PDE4D: variants seen among roughly 807,000 people sequenced by gnomAD.
PDE4D encodes 3',5'-cyclic-AMP phosphodiesterase 4D.
In PDE4D, 24 loss-of-function variants were observed where a neutral mutation model predicts 87.4. That is an observed-to-expected ratio of 0.27 (90% CI 0.20 to 0.39). The LOEUF (loss-of-function observed/expected upper bound fraction) is 0.39, where lower values mean the gene tolerates loss of function less well. Among genes scored for constraint, PDE4D ranks in the 10% least tolerant of loss-of-function variants. The pLI, the probability that PDE4D is intolerant of heterozygous loss-of-function variation, is 1.00. For missense variants in PDE4D, 714 were observed against 1,041.0 expected, an observed-to-expected ratio of 0.69 and a Z score of 4.32; for synonymous variants, 384 against 383.2, an observed-to-expected ratio of 1.00 and a Z score of -0.02.
intron 5 of PDE4D, among the ~76,000 whole-genome samples, chr5:59,100,022 A>G (rs1218249547): frequency 6.6e-6 from 1 of 152,216 alleles, no homozygotes; most frequent in Non-Finnish European, 1.5e-5. Flanking sequence ...CACCCCTCAT[A>G]TGAAAAAGAT....
At chr5:60,212,140 T>C (rs554485149) in intron 1 of PDE4D, among the ~76,000 whole-genome samples, 2 of 152,168 alleles carry the variant, frequency 1.3e-5, no homozygotes, top group Non-Finnish European at 2.9e-5. Context: ...ACTAAATTCA[T>C]AGTAGCTCTT....
At chr5:59,192,311 T>C (rs1744513584) in intron 3 of PDE4D, among the ~76,000 whole-genome samples, 1 of 152,226 alleles carries the variant, frequency 6.6e-6, no homozygotes, top group Non-Finnish European at 1.5e-5. Flanking sequence ...TAATATTATA[T>C]TTTCAAGCAA....
chr5:59,356,837 C>G, intron 1 of PDE4D: 1 of 1,550,774 alleles, frequency 6.4e-7, no homozygotes, highest in Admixed American at 2.2e-5. Context: ...GGATCCCAAA[C>G]AAAAGCCATT....
chr5:59,391,255 G>A (rs1582330207), intron 1 of PDE4D, among the ~76,000 whole-genome samples: 1 of 152,110 alleles, frequency 6.6e-6, no homozygotes, highest in Non-Finnish European at 1.5e-5. Flanking sequence ...CAGAAGAAGA[G>A]TTTCTCCTAG....
chr5:59,749,688 G>A (rs1760143927), intron 1 of PDE4D, among the ~76,000 whole-genome samples: 1 of 152,060 alleles, frequency 6.6e-6, no homozygotes, highest in African/African-American at 2.4e-5. Context: ...ACTGTCTCAG[G>A]TCTTTTCTCT....
At chr5:59,205,858 G>A (rs534474102) in intron 2 of PDE4D, among the ~76,000 whole-genome samples, 17 of 152,156 alleles carry the variant, frequency 1.1e-4, no homozygotes, top group African/African-American at 4.1e-4. Flanking sequence ...AAAAATTTTG[G>A]ACTTGGGATC....
intron 1 of PDE4D, among the ~76,000 whole-genome samples, chr5:59,729,942 C>T (rs1052325058): frequency 6.6e-6 from 1 of 151,906 alleles, no homozygotes; most frequent in African/African-American, 2.4e-5. Flanking sequence ...TACAAAATAG[C>T]CCCAGAATAG....
At chr5:59,687,555 G>A (rs931638752) in intron 1 of PDE4D, among the ~76,000 whole-genome samples, 15 of 151,984 alleles carry the variant, frequency 9.9e-5, no homozygotes, top group Non-Finnish European at 1.9e-4. Context: ...GCCTAGAAGA[G>A]CTCCTGAAGG....
chr5:59,756,014 T>A (rs1027383132), intron 1 of PDE4D, among the ~76,000 whole-genome samples: 121 of 151,440 alleles, frequency 8.0e-4, no homozygotes, highest in African/African-American at 2.9e-3. Flanking sequence ...ATATAATATT[T>A]AACTGTATAA....
intron 1 of PDE4D, among the ~76,000 whole-genome samples, chr5:59,665,616 A>G (rs1745951339): frequency 3.3e-5 from 5 of 152,218 alleles, no homozygotes; most frequent in Admixed American, 3.3e-4. Context: ...GAGTACAAAT[A>G]AGCTGAAATG....
At chr5:59,623,796 C>G (rs1229522143) in intron 1 of PDE4D, among the ~76,000 whole-genome samples, 1 of 152,160 alleles carries the variant, frequency 6.6e-6, no homozygotes, top group African/African-American at 2.4e-5. Flanking sequence ...CTCTGCAATG[C>G]TATTTTTAAC....
At chr5:59,714,751 A>G (rs1251425244) in intron 1 of PDE4D, among the ~76,000 whole-genome samples, 1 of 152,210 alleles carries the variant, frequency 6.6e-6, no homozygotes, top group East Asian at 1.9e-4. Context: ...GCCCCATCAT[A>G]TGTCATGGTC....
intron 2 of PDE4D, among the ~76,000 whole-genome samples, chr5:60,077,200 T>C (rs1773392545): frequency 6.6e-6 from 1 of 152,066 alleles, no homozygotes; most frequent in African/African-American, 2.4e-5. Context: ...ACAATGGTGG[T>C]TTAGTGGGGT....
At chr5:59,522,641 A>G (rs968739106) in intron 1 of PDE4D, among the ~76,000 whole-genome samples, 1 of 152,236 alleles carries the variant, frequency 6.6e-6, no homozygotes, top group South Asian at 2.1e-4. Context: ...TGTTCTTATT[A>G]AATTGCGAAT....
intron 3 of PDE4D, among the ~76,000 whole-genome samples, chr5:59,929,579 GT>G (rs1479541364): frequency 6.6e-6 from 1 of 151,802 alleles, no homozygotes; most frequent in Non-Finnish European, 1.5e-5. Flanking sequence ...CTCTTTGGAT[GT>G]TATTTTCTAT....
At chr5:60,205,185 T>C (rs1742358040) in intron 1 of PDE4D, among the ~76,000 whole-genome samples, 1 of 152,098 alleles carries the variant, frequency 6.6e-6, no homozygotes, top group Non-Finnish European at 1.5e-5. Context: ...GAGCCCAGCT[T>C]CATGACCCAC....
intron 1 of PDE4D, among the ~76,000 whole-genome samples, chr5:60,240,270 C>T (rs1438744828): frequency 1.3e-5 from 2 of 152,058 alleles, no homozygotes; most frequent in East Asian, 3.9e-4. Context: ...TGTCCCCCCA[C>T]CCCACAGGAA....
intron 2 of PDE4D, among the ~76,000 whole-genome samples, chr5:60,079,545 A>AT (rs1373939555): frequency 6.6e-6 from 1 of 152,052 alleles, no homozygotes; most frequent in African/African-American, 2.4e-5. Context: ...CTTGAGTTAA[A>AT]TTTTGTATAA....
At chr5:59,285,225 AAAG>A in intron 1 of PDE4D, among the ~76,000 whole-genome samples, 1 of 151,048 alleles carries the variant, frequency 6.6e-6, no homozygotes, top group East Asian at 1.9e-4. Context: ...AAAAAAAAAA[AAAG>A]AAAACAGGGA....
Sources: allele counts gnomAD v4.1 joint callset (sites outside exome capture counted in the v4.1 genomes callset), GRCh38; gene constraint gnomAD v4.1.1; transcripts MANE v1.5; gene names NCBI Gene and HGNC (gene_info 2026-07-23, HGNC 2026-07-21).